The following SF1 variants were observed in gnomAD, a reference collection of about 807,000 sequenced individuals.
The protein encoded by SF1 is splicing factor 1.
A neutral mutation model predicts 62.5 loss-of-function variants in SF1; 7 were observed. The ratio of observed to expected loss-of-function variants is 0.11; its 90% CI spans 0.06 to 0.21. SF1 has a LOEUF of 0.21. Among genes scored for constraint, SF1 ranks in the 10% least tolerant of loss-of-function variants. The pLI is 1.00. For synonymous variants in SF1, 394 were observed against 323.6 expected, an observed-to-expected ratio of 1.22 and a Z score of -2.33; for missense variants, 578 against 884.0, an observed-to-expected ratio of 0.65 and a Z score of 4.39.
At position 64,778,412 on chromosome 11, in the gene SF1, A is replaced by C; in HGVS notation, c.-20T>G. The C allele has an allele frequency of 3.3e-6, 4 of 1,225,526 alleles. No homozygotes were observed. The highest frequency in any genetic ancestry group is 4.1e-6 in the Non-Finnish European group (4 of 983,084). The allele number at this position is 1,225,526 out of a possible 1,614,324, so 75.9% of individuals were successfully genotyped here. A position where few individuals can be genotyped will look rare whatever the true frequency, so the allele number is the denominator to read the frequency against. On this transcript the variant is annotated 5_prime_UTR_variant, in exon 1 of 13. Transcript: ENST00000377390. ...CGCCATGGCGCCCCCGGGGACAGGCACCGGCACCTGCTTTTCCTCTGCGGC... is the reference window on the plus strand; with the variant it reads ...CGCCATGGCGCCCCCGGGGACAGGCCCCGGCACCTGCTTTTCCTCTGCGGC...
chr11:64,772,845 A>G, intron 3 of SF1: 5 of 985,456 alleles, frequency 5.1e-6, no homozygotes, highest in Non-Finnish European at 4.8e-6. Flanking sequence ...TGCCTTCCCA[A>G]AATAGGTGAG....
At chr11:64,775,092 G>C (rs905974472) in intron 2 of SF1, among the ~76,000 whole-genome samples, 1 of 152,138 alleles carries the variant, frequency 6.6e-6, no homozygotes, top group African/African-American at 2.4e-5. Flanking sequence ...TTGCAGTTGA[G>C]TATTAAGCTC....
chr11:64,775,042 A>G (rs935916407), intron 2 of SF1, among the ~76,000 whole-genome samples: 1 of 152,088 alleles, frequency 6.6e-6, no homozygotes, highest in Non-Finnish European at 1.5e-5. Flanking sequence ...AGTAAGACAC[A>G]TGGTTCCCCA....
intron 8 of SF1, 87 bp downstream of exon 8, chr11:64,768,935 T>A (rs1279622394): frequency 1.1e-6 from 1 of 889,324 alleles, no homozygotes; most frequent in Admixed American, 1.7e-5. Flanking sequence ...TTTCTCTTGG[T>A]AAGATTAACA....
In SF1 at chr11:64,765,022, G is replaced by A; in HGVS notation, c.*796C>T. The A allele has an allele frequency of 6.5e-6, 1 of 153,454 alleles. No individual in the cohort carries two copies. The highest frequency in any genetic ancestry group is 1.5e-5 in the Non-Finnish European group (1 of 68,852). The allele number at this position is 153,454 out of a possible 1,614,324, so 9.5% of individuals were successfully genotyped here. On this transcript the variant is annotated 3_prime_UTR_variant, in exon 13 of 13. Transcript: ENST00000377390. ...GGACGGATGGGAATCCCGAAACCTG[G>A]AGATGAACCTACCCTCGGCAACTTT...
At chr11:64,777,911 TCGCCGCCGC>T (rs962106696) in intron 1 of SF1, 1 of 955,096 alleles carries the variant, frequency 1.0e-6, no homozygotes, top group Non-Finnish European at 1.2e-6. Flanking sequence ...GCAGCCGCCG[TCGCCGCCGC>T]CGCGCGCCCC....
At chr11:64,777,726 A>T in intron 1 of SF1, 1 of 985,578 alleles carries the variant, frequency 1.0e-6, no homozygotes, top group Non-Finnish European at 1.2e-6. Context: ...CAGTCTATAC[A>T]GTTGCGCCGC....
intron 1 of SF1, among the ~76,000 whole-genome samples, chr11:64,777,063 T>C (rs967067013): frequency 2.0e-5 from 3 of 152,202 alleles, no homozygotes; most frequent in African/African-American, 7.2e-5. Context: ...CCAGTCACTT[T>C]TGTACGAGAG....
At chr11:64,776,654 A>C in intron 1 of SF1, 28 bp from the exon 2 acceptor site, 1 of 1,603,424 alleles carries the variant, frequency 6.2e-7, no homozygotes, top group Non-Finnish European at 8.5e-7. Context: ...AATCCATCCG[A>C]TGTAAATACA....
chr11:64,769,710 G>A (rs1937982445), intron 5 of SF1, 101 bp from the exon 6 acceptor site: 1 of 1,107,152 alleles, frequency 9.0e-7, no homozygotes, highest in Non-Finnish European at 1.3e-6. Context: ...CACAAGCGCA[G>A]AGAATTGGAT....
At position 64,767,027 on chromosome 11, in the gene SF1, G is replaced by A. The variant is rs1398705218; in HGVS notation, c.1455C>T (p.Pro485=). 1 of 1,551,328 alleles carries A rather than the reference G, an allele frequency of 6.4e-7. No individual in the cohort carries two copies. The highest frequency in any genetic ancestry group is 1.2e-5 in the South Asian group (1 of 81,148). Residue 485 remains proline, a synonymous_variant, in exon 12 of 13, where the codon CCC becomes CCT. Coordinates refer to ENST00000377390, the MANE Select transcript of SF1 (RefSeq NM_004630.4). ...AGGGAGGGGGTGGGGGCTGCCCACT[G>A]GGAGGCGGCGGCGGCGGCGGCATCA... ...MGMMPPPPPP[P]SGQPPPPPSG...
chr11:64,769,811 A>G lies in SF1; in HGVS notation c.479+153T>C, dbSNP rs1274602455. On this transcript the variant is annotated intron_variant, in intron 5 of 12. Transcript: ENST00000377390. ...TCTCCGCACTAGTGGGGAAGTTAAG[A>G]CACCTTCTCACAGAAAGGCATTAAT... 6.8e-6 allele frequency: 5 copies of G among 734,224 alleles called. No homozygotes were observed. In the East Asian group the frequency reaches 1.3e-4, roughly 19 times the overall value. The allele number at this position is 734,224 out of a possible 1,614,324, so 45.5% of individuals were successfully genotyped here.
chr11:64,770,421 G>A lies in SF1; in HGVS notation c.237-13C>T. The A allele has an allele frequency of 6.2e-7, 1 of 1,609,250 alleles. No individual in the cohort carries two copies. Among genetic ancestry groups the A allele is most frequent in the African/African-American group, 1.3e-5 (1 of 74,944 alleles). On this transcript the variant is annotated splice_polypyrimidine_tract_variant and intron_variant, in intron 3 of 12. Coordinates refer to ENST00000377390, the MANE Select transcript of SF1 (RefSeq NM_004630.4). ...AGGGGAAGGGGACCTGTGGGAAACA[G>A]ACTCCCGTTTACTATTCTGCACCGA...
chr11:64,776,670 T>G, intron 1 of SF1, 44 bp from the exon 2 acceptor site: 1 of 1,591,392 alleles, frequency 6.3e-7, no homozygotes, highest in Non-Finnish European at 8.6e-7. Context: ...ATACAAGTAG[T>G]TATCAACAGA....
At position 64,778,529 on chromosome 11, in the gene SF1, G is replaced by A. The variant is rs11547304; in HGVS notation, c.-137C>T. 6.6e-6 allele frequency: 8 copies of A among 1,208,022 alleles called. No individual in the cohort carries two copies. The highest frequency in any genetic ancestry group is 8.3e-5 in the South Asian group (2 of 24,176). 74.8% of individuals were successfully genotyped at this position (1,208,022 alleles called of 1,614,324 possible). On this transcript the variant is annotated 5_prime_UTR_variant, in exon 1 of 13. Transcript: ENST00000377390. ...GTCCTCTCACGCGGCGGGCGGCGGC[G>A]GCGCGAGACGCACAAAGAGGGAGGA...
intron 1 of SF1, among the ~76,000 whole-genome samples, chr11:64,777,321 T>C (rs1939450973): frequency 6.6e-6 from 1 of 152,104 alleles, no homozygotes; most frequent in Non-Finnish European, 1.5e-5. Context: ...AGAGTCCTTC[T>C]ATTTCCCAAG....
intron 12 of SF1, chr11:64,766,585 C>T (rs775316231): frequency 7.7e-5 from 32 of 414,174 alleles, no homozygotes; most frequent in African/African-American, 6.2e-4. Context: ...CCACTCGACC[C>T]ATATGCACCA....
chr11:64,768,403 A>C (rs543331723), intron 8 of SF1, 117 bp from the exon 9 acceptor site: 1 of 930,754 alleles, frequency 1.1e-6, no homozygotes, highest in African/African-American at 1.7e-5. Context: ...CCAGATCATC[A>C]CACATCTTTC....
chr11:64,768,512 C>T (rs1043864685), intron 8 of SF1, among the ~76,000 whole-genome samples: 1 of 152,196 alleles, frequency 6.6e-6, no homozygotes, highest in Admixed American at 6.5e-5. Context: ...GGCCCCTGGG[C>T]GAAGAGCACA....
Sources: allele counts gnomAD v4.1 joint callset (sites outside exome capture counted in the v4.1 genomes callset), GRCh38; gene constraint gnomAD v4.1.1; transcripts MANE v1.5; gene names NCBI Gene and HGNC (gene_info 2026-07-23, HGNC 2026-07-21).